The following LY75 variants were observed in gnomAD, a reference collection of about 807,000 sequenced individuals.
LY75 encodes lymphocyte antigen 75, also known as C-type lectin domain family 13 member B.
Under a neutral mutation model 231.7 loss-of-function variants are expected in LY75, and 185 were observed. The ratio of observed to expected loss-of-function variants is 0.80; its 90% confidence interval spans 0.71 to 0.90. The LOEUF (loss-of-function observed/expected upper bound fraction) is 0.90. Ranked by LOEUF, LY75 falls within the 40% of genes least tolerant of loss-of-function variation. LY75 has a pLI of 0.00. For missense variants in LY75, 1,947 were observed against 2,050.2 expected (o/e 0.95, Z 0.97); for synonymous variants, 668 against 689.0 (o/e 0.97, Z 0.48).
At chr2:159,807,298 A>C (rs1682820118) in intron 33 of LY75, among the ~76,000 whole-genome samples, 158 bp from the exon 34 acceptor site, 1 of 152,254 alleles carries the variant, frequency 6.6e-6, no homozygotes, top group African/African-American at 2.4e-5. Context: ...TCAGTTCTTC[A>C]GTTGCACTAG....
At chr2:159,826,327 G>A (rs1011209714) in intron 28 of LY75, among the ~76,000 whole-genome samples, 6 of 152,088 alleles carry the variant, frequency 3.9e-5, no homozygotes, top group African/African-American at 1.2e-4. Flanking sequence ...CAAATAGAGA[G>A]CCAAATCATG....
At position 159,881,364 on chromosome 2, in the gene LY75, G is replaced by A. The variant is rs1685432253; in HGVS notation, c.1247-124C>T. ...GAGCCTTTGTAGTATTCTTAATTCG[G>A]TTATTAATATGTTGATACGACAGGC... On this transcript the variant is annotated intron_variant, in intron 7 of 34. Transcript: ENST00000263636. 6.9e-6 allele frequency: 8 copies of A among 1,166,900 alleles called. No homozygotes were observed. In the South Asian group the frequency reaches 1.4e-4, roughly 21 times the overall value. 72.3% of individuals were successfully genotyped at this position (1,166,900 alleles called of 1,614,324 possible).
At chr2:159,825,548 A>G (rs1341177156) in intron 28 of LY75, among the ~76,000 whole-genome samples, 3 of 152,236 alleles carry the variant, frequency 2.0e-5, no homozygotes, top group African/African-American at 7.2e-5. Flanking sequence ...AGCTGGTAAC[A>G]TTCCTTCTGA....
rs543487354 is a variant in LY75 at position 159,835,736 on chromosome 2, A to AC, written c.3508-92_3508-91insG. 2.7e-3 allele frequency: 4,047 copies of AC among 1,482,672 alleles called. 12 individuals carry two copies. Among genetic ancestry groups the AC allele is most frequent in the Admixed American group, 4.2e-3 (170 of 40,962 alleles). The allele number at this position is 1,482,672 out of a possible 1,614,324, so 91.8% of individuals were successfully genotyped here. A position where few individuals can be genotyped will look rare whatever the true frequency, so the allele number is the denominator to read the frequency against. ...CCCATGGTCAATCTAATGATTTTTAATTTTTTTAATATTTAATACACATTT... is the reference window on the plus strand; with the variant it reads ...CCCATGGTCAATCTAATGATTTTTAACTTTTTTTAATATTTAATACACATTT... On this transcript the variant is annotated intron_variant, in intron 25 of 34. Transcript: ENST00000263636.
Position 159,872,550 on chromosome 2 carries a change from T to C in LY75, c.2018A>G (p.Glu673Gly), listed in dbSNP as rs753974433. 34 of 1,613,960 alleles carry C rather than the reference T, an allele frequency of 2.1e-5. No individual in the cohort carries two copies. The highest frequency in any genetic ancestry group is 2.8e-5 in the Non-Finnish European group (33 of 1,179,868). ...AAGGGCTTGGCAGAATCGTTCAGCT[T>C]CTTCCCAGTTCCTCTTTCTTACAAT... is the stretch of plus-strand genomic sequence containing the variant. ...ERIVRKRNWE[E>G]AERFCQALGA... The change falls in exon 13 of 35, where the codon GAA becomes GGA. Residue 673 changes from glutamate to glycine, a missense_variant. Transcript: ENST00000263636.
chr2:159,882,458 G>T (rs1339594959), intron 6 of LY75, 143 bp from the exon 7 acceptor site: 2 of 1,158,312 alleles, frequency 1.7e-6, no homozygotes, highest in East Asian at 5.0e-5. Flanking sequence ...ATGAATTCAT[G>T]TGGTGCCTAC....
chr2:159,839,012 T>C (rs1456327847), intron 25 of LY75, among the ~76,000 whole-genome samples: 1 of 152,036 alleles, frequency 6.6e-6, no homozygotes, highest in Non-Finnish European at 1.5e-5. Context: ...GCCAGGCTGG[T>C]CCCAAACTCC....
At chr2:159,850,800 T>TATAAA (rs1560081074) in intron 21 of LY75, among the ~76,000 whole-genome samples, 1 of 59,426 alleles carries the variant, frequency 1.7e-5, no homozygotes. Flanking sequence ...ATATATATAT[T>TATAAA]ATATCTTATA....
intron 3 of LY75, among the ~76,000 whole-genome samples, chr2:159,893,625 G>A (rs1383087832): frequency 2.0e-5 from 3 of 152,080 alleles, no homozygotes; most frequent in African/African-American, 4.8e-5. Context: ...AAGGTCAGCA[G>A]CAATTTCCTA....
At chr2:159,878,252 G>T in intron 11 of LY75, 72 bp downstream of exon 11, 3 of 1,537,586 alleles carry the variant, frequency 2.0e-6, no homozygotes, top group Non-Finnish European at 2.6e-6. Context: ...AGTAAGTGAG[G>T]AACATCTTTG....
At chr2:159,820,779 T>C (rs1279672078) in intron 28 of LY75, among the ~76,000 whole-genome samples, 1 of 152,218 alleles carries the variant, frequency 6.6e-6, no homozygotes, top group African/African-American at 2.4e-5. Context: ...GTTATAAAAG[T>C]CACCACAGAA....
intron 15 of LY75, among the ~76,000 whole-genome samples, chr2:159,860,444 C>T (rs1031256445): frequency 1.3e-5 from 2 of 152,142 alleles, no homozygotes; most frequent in Admixed American, 6.5e-5. Context: ...CTCATACCAT[C>T]CCCTCATGAA....
chr2:159,815,195 G>A (rs1039558353), intron 31 of LY75, among the ~76,000 whole-genome samples: 1 of 152,012 alleles, frequency 6.6e-6, no homozygotes, highest in Non-Finnish European at 1.5e-5. Flanking sequence ...TAGAGAAGGG[G>A]TTTCACCTTG....
At chr2:159,820,493 A>C (rs1345663282) in intron 28 of LY75, among the ~76,000 whole-genome samples, 1 of 152,202 alleles carries the variant, frequency 6.6e-6, no homozygotes, top group East Asian at 1.9e-4. Flanking sequence ...GAGGATGCAA[A>C]GGCATAAAAT....
intron 23 of LY75, 97 bp from the exon 24 acceptor site, chr2:159,842,471 A>G: frequency 4.4e-6 from 6 of 1,379,248 alleles, no homozygotes; most frequent in South Asian, 1.6e-5. Context: ...TTGTCCCCCT[A>G]TAAAAGAATT....
intron 14 of LY75, among the ~76,000 whole-genome samples, chr2:159,861,135 C>T (rs190888084): frequency 2.6e-5 from 4 of 152,188 alleles, no homozygotes; most frequent in Non-Finnish European, 2.9e-5. Context: ...TTAAGTTCGC[C>T]GCTGGAGTCA....
intron 4 of LY75, among the ~76,000 whole-genome samples, chr2:159,887,511 T>C (rs562974749): frequency 6.8e-6 from 1 of 147,382 alleles, no homozygotes; most frequent in African/African-American, 2.5e-5. Context: ...TGAGCCGATA[T>C]TGTGCCACTG....
chr2:159,883,993 CCCATGTGT>C (rs1428686669), intron 6 of LY75, among the ~76,000 whole-genome samples: 1 of 152,160 alleles, frequency 6.6e-6, no homozygotes. Context: ...ACCTTAAATT[CCCATGTGT>C]TATGGGAGGG....
At chr2:159,872,401 T>C in intron 13 of LY75, 50 bp downstream of exon 13, 1 of 1,602,152 alleles carries the variant, frequency 6.2e-7, no homozygotes, top group Non-Finnish European at 8.5e-7. Flanking sequence ...ATTTTGAATA[T>C]CTAGAGGACA....
Sources: allele counts gnomAD v4.1 joint callset (sites outside exome capture counted in the v4.1 genomes callset), GRCh38; gene constraint gnomAD v4.1.1; transcripts MANE v1.5; gene names NCBI Gene and HGNC (gene_info 2026-07-23, HGNC 2026-07-21).